Variants in PTPRG observed in about 807,000 individuals in gnomAD.
The protein encoded by PTPRG is receptor-type tyrosine-protein phosphatase gamma.
A neutral mutation model predicts 165.3 loss-of-function variants in PTPRG; 102 were observed. That is an observed-to-expected ratio of 0.62 (90% CI 0.53 to 0.73). The LOEUF (loss-of-function observed/expected upper bound fraction) is 0.73. Among genes scored for constraint, PTPRG ranks in the 30% least tolerant of loss-of-function variants. The probability of loss-of-function intolerance (pLI) is 0.00; values close to 1 mark genes in which losing one functional copy is unlikely to be tolerated. For synonymous variants in PTPRG, 675 were observed against 669.5 expected (o/e 1.01, Z -0.13); for missense variants, 1,866 against 1,861.4 (o/e 1.00, Z -0.05).
chr3:61,839,577 G>C (rs1336322785), intron 2 of PTPRG, among the ~76,000 whole-genome samples: 2 of 152,040 alleles, frequency 1.3e-5, no homozygotes, highest in Non-Finnish European at 2.9e-5. Flanking sequence ...GAAAAGATAG[G>C]AATTTGCTTT....
At chr3:61,619,827 G>A (rs1701399792) in intron 1 of PTPRG, among the ~76,000 whole-genome samples, 1 of 152,170 alleles carries the variant, frequency 6.6e-6, no homozygotes, top group South Asian at 2.1e-4. Flanking sequence ...TATGGGCTTT[G>A]GGGAAATGGA....
intron 1 of PTPRG, among the ~76,000 whole-genome samples, chr3:61,706,173 AC>A (rs1340106862): frequency 6.6e-6 from 1 of 152,116 alleles, no homozygotes; most frequent in Non-Finnish European, 1.5e-5. Context: ...TTGGGCTATC[AC>A]TAAAAAAAGA....
At chr3:62,250,983 C>CT (rs1701399399) in intron 15 of PTPRG, among the ~76,000 whole-genome samples, 1 of 152,212 alleles carries the variant, frequency 6.6e-6, no homozygotes, top group Non-Finnish European at 1.5e-5. Context: ...AAGCCCACCT[C>CT]TTCAGGTACT....
chr3:62,158,989 T>C (rs1704641524), intron 7 of PTPRG, among the ~76,000 whole-genome samples: 2 of 152,186 alleles, frequency 1.3e-5, no homozygotes, highest in Non-Finnish European at 2.9e-5. Context: ...AATTTTTTTT[T>C]CAAGATCCTT....
At chr3:61,872,812 T>C (rs186764251) in intron 2 of PTPRG, among the ~76,000 whole-genome samples, 3 of 152,302 alleles carry the variant, frequency 2.0e-5, no homozygotes, top group African/African-American at 7.2e-5. Flanking sequence ...CTCTTTTACA[T>C]GTCCAGTCCA....
chr3:61,813,864 C>T (rs1306468091), intron 2 of PTPRG, among the ~76,000 whole-genome samples: 2 of 146,750 alleles, frequency 1.4e-5, no homozygotes, highest in African/African-American at 5.0e-5. Flanking sequence ...TACATTAATT[C>T]TTACAGACAT....
intron 2 of PTPRG, among the ~76,000 whole-genome samples, chr3:61,813,543 C>CTGTGTG (rs58097355): frequency 0.15 from 17,528 of 116,670 alleles, 1,441 homozygotes; most frequent in Non-Finnish European, 0.18. Flanking sequence ...AAAAGAAAAT[C>CTGTGTG]TGTGTGTGTG....
At chr3:61,685,671 G>A (rs1019012815) in intron 1 of PTPRG, among the ~76,000 whole-genome samples, 1 of 152,196 alleles carries the variant, frequency 6.6e-6, no homozygotes, top group African/African-American at 2.4e-5. Flanking sequence ...GGAGCTCCAA[G>A]TTGTACCCCT....
intron 15 of PTPRG, among the ~76,000 whole-genome samples, chr3:62,251,608 C>G (rs951938002): frequency 6.6e-6 from 1 of 152,024 alleles, no homozygotes; most frequent in African/African-American, 2.4e-5. Flanking sequence ...TGCACTCCAA[C>G]CAGCCTGGGT....
At chr3:61,970,757 C>G (rs2040363962) in intron 2 of PTPRG, among the ~76,000 whole-genome samples, 1 of 152,070 alleles carries the variant, frequency 6.6e-6, no homozygotes, top group South Asian at 2.1e-4. Flanking sequence ...TGGCTTTGAA[C>G]TTGGTACATC....
At chr3:61,960,227 T>C (rs2107640587) in intron 2 of PTPRG, among the ~76,000 whole-genome samples, 1 of 152,290 alleles carries the variant, frequency 6.6e-6, no homozygotes, top group Non-Finnish European at 1.5e-5. Context: ...TCATCTTGGA[T>C]CTCGGTGCTT....
At chr3:62,097,910 A>T (rs1428597545) in intron 5 of PTPRG, among the ~76,000 whole-genome samples, 2 of 152,234 alleles carry the variant, frequency 1.3e-5, no homozygotes, top group African/African-American at 4.8e-5. Flanking sequence ...GCACATTATG[A>T]TGTTAAGAAA....
chr3:61,758,645 G>T (rs2033721141), intron 2 of PTPRG, among the ~76,000 whole-genome samples: 1 of 152,004 alleles, frequency 6.6e-6, no homozygotes, highest in Non-Finnish European at 1.5e-5. Flanking sequence ...TAGAGACGGG[G>T]TTTCACCATA....
intron 2 of PTPRG, among the ~76,000 whole-genome samples, chr3:61,818,193 T>C (rs1374236100): frequency 6.6e-6 from 1 of 152,124 alleles, no homozygotes; most frequent in Non-Finnish European, 1.5e-5. Context: ...TATAAAGTTA[T>C]TCCAAAAAAA....
chr3:61,713,189 T>C (rs1051182965), intron 1 of PTPRG, among the ~76,000 whole-genome samples: 8 of 148,268 alleles, frequency 5.4e-5, no homozygotes, highest in Non-Finnish European at 1.0e-4. Context: ...TGAGACGGAG[T>C]GTCACTCTGT....
At chr3:61,944,642 A>T (rs2039711938) in intron 2 of PTPRG, among the ~76,000 whole-genome samples, 1 of 152,198 alleles carries the variant, frequency 6.6e-6, no homozygotes, top group African/African-American at 2.4e-5. Context: ...TTAGGGAATG[A>T]CTAGGATAGT....
At chr3:62,261,365 G>A (rs1444545902) in intron 16 of PTPRG, among the ~76,000 whole-genome samples, 1 of 152,202 alleles carries the variant, frequency 6.6e-6, no homozygotes, top group Non-Finnish European at 1.5e-5. Context: ...AGTTTGGCTA[G>A]CATTGCTCAT....
chr3:61,803,883 A>G (rs11712383), intron 2 of PTPRG, among the ~76,000 whole-genome samples: 13,429 of 152,224 alleles, frequency 0.088, 809 homozygotes, highest in East Asian at 0.21. Context: ...GCTCTAGGAC[A>G]TAGTTGTCAG....
At chr3:61,633,037 C>T (rs1251830468) in intron 1 of PTPRG, among the ~76,000 whole-genome samples, 1 of 152,212 alleles carries the variant, frequency 6.6e-6, no homozygotes, top group Non-Finnish European at 1.5e-5. Flanking sequence ...CATCCTTCTT[C>T]TTGATTTGGC....
Sources: gnomAD v4.1 joint callset for allele counts (sites outside exome capture counted in the v4.1 genomes callset) on GRCh38, gnomAD v4.1.1 for gene constraint, MANE v1.5 for transcripts, NCBI Gene and HGNC (gene_info 2026-07-23, HGNC 2026-07-21) for gene names.